Variants in CSMD2 observed in about 807,000 individuals in gnomAD.
CSMD2 encodes CUB and sushi domain-containing protein 2.
Under a neutral mutation model 398.5 loss-of-function variants are expected in CSMD2, and 130 were observed. The ratio of observed to expected loss-of-function variants is 0.33; its 90% CI spans 0.28 to 0.38. CSMD2 has a LOEUF of 0.38. CSMD2 is among the 10% of genes least tolerant of loss of function. The pLI, the probability that CSMD2 is intolerant of heterozygous loss-of-function variation, is 1.00. For missense variants in CSMD2, 3,829 were observed against 4,764.9 expected (o/e 0.80, Z 5.78); for synonymous variants, 1,828 against 1,908.5 (o/e 0.96, Z 1.10).
intron 1 of CSMD2, among the ~76,000 whole-genome samples, chr1:34,114,812 A>G (rs1036089288): frequency 9.9e-5 from 15 of 152,242 alleles, no homozygotes; most frequent in African/African-American, 3.1e-4. Context: ...AAGAAGCTCA[A>G]TGTGCTACAA....
chr1:33,895,918 C>T (rs770953434), intron 5 of CSMD2, among the ~76,000 whole-genome samples: 3 of 152,156 alleles, frequency 2.0e-5, no homozygotes, highest in Non-Finnish European at 4.4e-5. Flanking sequence ...AACTGTAGCA[C>T]CTGCTGGCAC....
chr1:33,994,009 T>A (rs1646646804), intron 3 of CSMD2, among the ~76,000 whole-genome samples: 1 of 152,192 alleles, frequency 6.6e-6, no homozygotes, highest in African/African-American at 2.4e-5. Context: ...AAGGTCACGT[T>A]CTGTTAAGAA....
At chr1:33,980,676 C>G (rs945130793) in intron 3 of CSMD2, among the ~76,000 whole-genome samples, 1 of 152,196 alleles carries the variant, frequency 6.6e-6, no homozygotes, top group South Asian at 2.1e-4. Context: ...CGTGTCAGAC[C>G]GTGGACTAGG....
chr1:33,769,593 A>T (rs904563579), intron 13 of CSMD2, among the ~76,000 whole-genome samples: 2 of 152,190 alleles, frequency 1.3e-5, no homozygotes, highest in African/African-American at 4.8e-5. Flanking sequence ...AAGCCAACAA[A>T]ATGATTCTGA....
chr1:33,658,248 AC>A, intron 26 of CSMD2, 111 bp from the exon 27 acceptor site: 1 of 823,138 alleles, frequency 1.2e-6, no homozygotes, highest in Non-Finnish European at 2.0e-6. Flanking sequence ...TGCCACAACC[AC>A]CAGAACCTCC....
chr1:34,034,172 G>T (rs1182861100), intron 2 of CSMD2, among the ~76,000 whole-genome samples: 1 of 152,048 alleles, frequency 6.6e-6, no homozygotes, highest in Non-Finnish European at 1.5e-5. Flanking sequence ...AGCAAGACAC[G>T]CAGAGGACTC....
At chr1:33,622,973 T>C (rs928168482) in intron 36 of CSMD2, among the ~76,000 whole-genome samples, 9 of 152,242 alleles carry the variant, frequency 5.9e-5, no homozygotes, top group African/African-American at 1.9e-4. Flanking sequence ...AATGAAGTGC[T>C]GAACCATACT....
intron 1 of CSMD2, among the ~76,000 whole-genome samples, chr1:34,114,374 A>G (rs1661399616): frequency 6.6e-6 from 1 of 151,536 alleles, no homozygotes; most frequent in South Asian, 2.1e-4. Context: ...AAAAAAAAAA[A>G]CGAAAAACAA....
chr1:33,808,323 T>A (rs1285436692), intron 10 of CSMD2, among the ~76,000 whole-genome samples: 1 of 152,112 alleles, frequency 6.6e-6, no homozygotes, highest in African/African-American at 2.4e-5. Context: ...GCAGGGTTTT[T>A]TTCAAGCCTA....
chr1:33,792,584 C>A, intron 10 of CSMD2, 58 bp from the exon 11 acceptor site: 1 of 1,152,772 alleles, frequency 8.7e-7, no homozygotes, highest in Non-Finnish European at 1.3e-6. Flanking sequence ...CCTTCCAAAG[C>A]CTTGAGGGGA....
chr1:33,773,521 G>A lies in CSMD2; in HGVS notation c.1664-770C>T, dbSNP rs561096529. On this transcript the variant is annotated intron_variant, in intron 12 of 70. Transcript: ENST00000373381. Reference sequence around the variant, plus strand: ...GGCATGATGGGCTGGCTACCTCACCGGAGAGGCAGTCAGGATCCAGATGCT... The same window carrying A: ...GGCATGATGGGCTGGCTACCTCACCAGAGAGGCAGTCAGGATCCAGATGCT... Among the ~76,000 whole-genome samples, 17 of 152,328 alleles carry A rather than the reference G, an allele frequency of 1.1e-4. No individual in the cohort carries two copies. The East Asian group carries it at 1.5e-3, about 14-fold the overall frequency.
At chr1:33,820,842 C>T (rs1043925342) in intron 7 of CSMD2, among the ~76,000 whole-genome samples, 2 of 152,086 alleles carry the variant, frequency 1.3e-5, no homozygotes, top group Non-Finnish European at 2.9e-5. Flanking sequence ...CTGCTTCCCT[C>T]GTCCCACACC....
chr1:33,812,633 G>T (rs1022654971), intron 9 of CSMD2, among the ~76,000 whole-genome samples: 1 of 137,952 alleles, frequency 7.2e-6, no homozygotes, highest in Non-Finnish European at 1.5e-5. Flanking sequence ...TTTGCTGGTC[G>T]CTTAAGTCTG....
intron 13 of CSMD2, among the ~76,000 whole-genome samples, chr1:33,755,201 C>G (rs546851176): frequency 6.6e-6 from 1 of 152,130 alleles, no homozygotes; most frequent in Non-Finnish European, 1.5e-5. Context: ...GCTGATTCAG[C>G]TATTGTTGAG....
chr1:33,571,360 A>G (rs1277974848), intron 51 of CSMD2, among the ~76,000 whole-genome samples, 172 bp downstream of exon 51: 1 of 152,218 alleles, frequency 6.6e-6, no homozygotes, highest in African/African-American at 2.4e-5. Flanking sequence ...AAAGGAGTAA[A>G]GGAGTAGGCA....
In CSMD2 at chr1:33,533,652, A is replaced by G. The variant is rs1443567782; in HGVS notation, c.9991+144T>C. On this transcript the variant is annotated intron_variant, in intron 63 of 70. Coordinates refer to ENST00000373381, the MANE Select transcript of CSMD2 (RefSeq NM_001281956.2). This position sits in a 1 kb window ranked among gnomAD's most constrained non-coding sequence, Gnocchi z 4.2. ...GTGTGGAAGTCTTCTGTGAGGCCCC[A>G]AAGTGTAAGGACTACAAAGAGACCG... is the stretch of plus-strand genomic sequence containing the variant. 3.2e-6 allele frequency: 2 copies of G among 623,398 alleles called. No homozygotes were observed. The highest frequency in any genetic ancestry group is 5.8e-6 in the Non-Finnish European group (2 of 344,444). The allele number at this position is 623,398 out of a possible 1,614,324, so 38.6% of individuals were successfully genotyped here. A position where few individuals can be genotyped will look rare whatever the true frequency, so the allele number is the denominator to read the frequency against.
At chr1:33,749,425 A>G (rs1463653457) in intron 13 of CSMD2, among the ~76,000 whole-genome samples, 4 of 152,176 alleles carry the variant, frequency 2.6e-5, no homozygotes, top group Admixed American at 1.3e-4. Context: ...AATGATGATG[A>G]TACTAGACCA....
intron 5 of CSMD2, chr1:33,869,414 G>C (rs1173489740): frequency 6.6e-6 from 1 of 152,172 alleles, no homozygotes; most frequent in Non-Finnish European, 1.5e-5. Flanking sequence ...TGTTTTCTCA[G>C]GAAATGGAGG....
chr1:34,069,339 C>G (rs776784682), intron 2 of CSMD2, among the ~76,000 whole-genome samples: 4 of 152,294 alleles, frequency 2.6e-5, no homozygotes, highest in South Asian at 2.1e-4. Context: ...GTTCATGGAA[C>G]TTTTATGGTG....
Sources: gnomAD v4.1 joint callset for allele counts (sites outside exome capture counted in the v4.1 genomes callset) on GRCh38, gnomAD v4.1.1 for gene constraint, Gnocchi (gnomAD v3.1) non-coding constraint, MANE v1.5 for transcripts, NCBI Gene and HGNC (gene_info 2026-07-23, HGNC 2026-07-21) for gene names.